The following SMIM17 variants were observed in gnomAD, a reference collection of about 807,000 sequenced individuals.
SMIM17 encodes the protein small integral membrane protein 17.
A neutral mutation model predicts 12.2 loss-of-function variants in SMIM17; 10 were observed. The ratio of observed to expected loss-of-function variants is 0.82; its 90% CI spans 0.50 to 1.39. The LOEUF is 1.39. Ranked by LOEUF, SMIM17 falls within the 40% of genes most tolerant of loss-of-function variation. The probability of loss-of-function intolerance (pLI) is 0.00; values close to 1 mark genes in which losing one functional copy is unlikely to be tolerated. For missense variants in SMIM17, 136 were observed against 118.2 expected, an observed-to-expected ratio of 1.15 and a Z score of -0.70; for synonymous variants, 50 against 44.1, an observed-to-expected ratio of 1.13 and a Z score of -0.53.
At chr19:56,649,401 T>A (rs578187014) in intron 3 of SMIM17, among the ~76,000 whole-genome samples, 2 of 152,268 alleles carry the variant, frequency 1.3e-5, no homozygotes, top group South Asian at 4.1e-4. Flanking sequence ...CCTGCCTTCA[T>A]GGAGCTCACA....
At chr19:56,650,786 A>G (rs893426769) in intron 3 of SMIM17, among the ~76,000 whole-genome samples, 10 of 152,230 alleles carry the variant, frequency 6.6e-5, no homozygotes, top group African/African-American at 2.2e-4. Flanking sequence ...GTGAATTCTG[A>G]TGTGGGGACA....
rs764585220 is a variant in SMIM17 at position 56,655,300 on chromosome 19, AG to A, written c.*89del. 1.3e-4 allele frequency: 79 copies of A among 592,392 alleles called. No individual in the cohort carries two copies. Among genetic ancestry groups the A allele is most frequent in the Non-Finnish European group, 2.3e-4 (75 of 324,036 alleles). The allele number at this position is 592,392 out of a possible 1,614,324, so 36.7% of individuals were successfully genotyped here. A position where few individuals can be genotyped will look rare whatever the true frequency, so the allele number is the denominator to read the frequency against. On this transcript the variant is annotated 3_prime_UTR_variant, in exon 4 of 4. Transcript: ENST00000598409. ...TAAGGAATTGTGCTAGTTAAAAATC[AG>A]GAATAGGTGTTGAATATTTTCAAAT...
rs2148046909 is a variant in SMIM17, at chr19:56,656,419, T to A, written c.*1206T>A. ...TTATTAGATTTGTCAAAGGTTTATC[T>A]AGCTTACTATTGTTTTTCCAAAGAA... On this transcript the variant is annotated 3_prime_UTR_variant, in exon 4 of 4. Transcript: ENST00000598409. Among the ~76,000 whole-genome samples, 1 of 152,338 alleles carries A rather than the reference T, an allele frequency of 6.6e-6. No individual in the cohort carries two copies. Among genetic ancestry groups the A allele is most frequent in the Non-Finnish European group, 1.5e-5 (1 of 68,036 alleles).
At chr19:56,643,773 T>C (rs1303756179) in intron 1 of SMIM17, among the ~76,000 whole-genome samples, 1 of 152,192 alleles carries the variant, frequency 6.6e-6, no homozygotes, top group Non-Finnish European at 1.5e-5. Flanking sequence ...GTCTGTTAAA[T>C]GGAAACCTAA....
intron 3 of SMIM17, among the ~76,000 whole-genome samples, chr19:56,652,671 A>AGAGAG (rs1555778635): frequency 2.0e-5 from 3 of 150,270 alleles, no homozygotes; most frequent in African/African-American, 7.4e-5. Flanking sequence ...AGAAAAAAAA[A>AGAGAG]AGAGAGAGAG....
chr19:56,653,037 TC>T (rs1238723986), intron 3 of SMIM17, among the ~76,000 whole-genome samples: 2 of 152,250 alleles, frequency 1.3e-5, no homozygotes, highest in African/African-American at 4.8e-5. Context: ...ATTCTGCTTT[TC>T]AAAATTGAAG....
In SMIM17 at chr19:56,645,800, G is replaced by A; in HGVS notation, c.133G>A (p.Glu45Lys). Reference sequence around the variant, plus strand: ...CTGCACCAAAGACTGGGAGGCTGTGGAGGTTGGGGCCTCCAGCCATGACAG... The same window carrying A: ...CTGCACCAAAGACTGGGAGGCTGTGAAGGTTGGGGCCTCCAGCCATGACAG... ...PACTKDWEAV[E>K]VGASSHDSDE... The change falls in exon 2 of 4, where the codon GAG becomes AAG. Residue 45 changes from glutamate (E) to lysine (K), a missense_variant. Glu to Lys is a moderately conservative substitution (Grantham distance 56, BLOSUM62 1). Coordinates refer to ENST00000598409, the MANE Select transcript of SMIM17 (RefSeq NM_001193628.2). The A allele has an allele frequency of 6.5e-7, 1 of 1,535,868 alleles. No individual in the cohort carries two copies. Among genetic ancestry groups the A allele is most frequent in the Non-Finnish European group, 8.7e-7 (1 of 1,146,792 alleles).
At chr19:56,648,600 A>G (rs553623210) in intron 3 of SMIM17, among the ~76,000 whole-genome samples, 1 of 152,182 alleles carries the variant, frequency 6.6e-6, no homozygotes, top group African/African-American at 2.4e-5. Context: ...GTATGCATCC[A>G]CCCATATGCC....
In SMIM17 at chr19:56,645,717, G is replaced by A. The variant is rs978920591; in HGVS notation, c.50G>A (p.Arg17Lys). The part of the protein sequence containing the change: ...EQTRGLLEPE[R>K]TKTLLPRESR... Reference sequence around the variant, plus strand: ...ACACGGGGGCTGCTGGAGCCTGAGAGGACCAAGACTCTGCTGCCTCGGGAG... The same window carrying A: ...ACACGGGGGCTGCTGGAGCCTGAGAAGACCAAGACTCTGCTGCCTCGGGAG... The change falls in exon 2 of 4, where the codon AGG (arginine) becomes AAG (lysine). Residue 17 changes from arginine to lysine, a missense_variant. By Grantham distance (26) the Arg-to-Lys change is conservative (BLOSUM62 2). Coordinates refer to ENST00000598409, the MANE Select transcript of SMIM17 (RefSeq NM_001193628.2). 1 of 1,535,598 alleles carries A rather than the reference G, an allele frequency of 6.5e-7. No homozygotes were observed. Among genetic ancestry groups the A allele is most frequent in the Non-Finnish European group, 8.7e-7 (1 of 1,146,818 alleles).
rs1458395646 is a variant in SMIM17, at chr19:56,656,145, C to T, written c.*932C>T. Among the ~76,000 whole-genome samples, 9 of 151,814 alleles carry T rather than the reference C, an allele frequency of 5.9e-5. No individual in the cohort carries two copies. Among genetic ancestry groups the T allele is most frequent in the Admixed American group, 1.3e-4 (2 of 15,242 alleles). On this transcript the variant is annotated 3_prime_UTR_variant, in exon 4 of 4. Transcript: ENST00000598409. ...ATTTTTAGTAGAGACGGGGTTTCAC[C>T]GTGTTAGCCAGGATGGTCTCGATCT...
Position 56,644,235 on chromosome 19 carries a change from T to C in SMIM17, c.-101+1025T>C, listed in dbSNP as rs375081392. Among the ~76,000 whole-genome samples, 25 of 151,714 alleles carry C rather than the reference T, an allele frequency of 1.6e-4. No individual in the cohort carries two copies. In the South Asian group the frequency reaches 5.0e-3, roughly 30 times the overall value. On this transcript the variant is annotated intron_variant, in intron 1 of 3. Coordinates refer to ENST00000598409, the MANE Select transcript of SMIM17 (RefSeq NM_001193628.2). ...AAAGCCAAGCAAAACCCCAAAGCAA[T>C]AAACAAATCAGAACTCCCTAATGGT...
intron 1 of SMIM17, 65 bp from the exon 2 acceptor site, chr19:56,645,503 T>C (rs2148037724): frequency 1.8e-6 from 1 of 565,228 alleles, no homozygotes; most frequent in East Asian, 3.3e-5. Flanking sequence ...TTCTAATGCT[T>C]ACAGTCGTGC....
chr19:56,643,340 A>C (rs2045038143), intron 1 of SMIM17, 130 bp downstream of exon 1: 2 of 152,598 alleles, frequency 1.3e-5, no homozygotes, highest in East Asian at 3.7e-4. Flanking sequence ...GGCGAGGGTG[A>C]GGGGCAGAAC....
chr19:56,655,511 G>A lies in SMIM17; in HGVS notation c.*298G>A, dbSNP rs2045143572. ...GGAAGATATCTCCTGACTTTGAGAA[G>A]ATGAAAAAATGTGCAACTGAAGATC... is the stretch of plus-strand genomic sequence containing the variant. On this transcript the variant is annotated 3_prime_UTR_variant, in exon 4 of 4. Coordinates refer to ENST00000598409, the MANE Select transcript of SMIM17 (RefSeq NM_001193628.2). 1 of 369,094 alleles carries A rather than the reference G, an allele frequency of 2.7e-6. No homozygotes were observed. Among genetic ancestry groups the A allele is most frequent in the Non-Finnish European group, 4.8e-6 (1 of 208,154 alleles). 22.9% of individuals were successfully genotyped at this position (369,094 alleles called of 1,614,324 possible).
At position 56,655,839 on chromosome 19, in the gene SMIM17, A is replaced by C. The variant is rs2045146385; in HGVS notation, c.*626A>C. On this transcript the variant is annotated 3_prime_UTR_variant, in exon 4 of 4. Transcript: ENST00000598409. ...ATTGTTATAACCAGGTCATAGAGTC[A>C]TGGAGAGAACGTTTCAGCTAATTCT... 1 of 152,198 alleles carries C rather than the reference A, an allele frequency of 6.6e-6. No individual in the cohort carries two copies. Among genetic ancestry groups the C allele is most frequent in the Admixed American group, 6.5e-5 (1 of 15,276 alleles). The allele number at this position is 152,198 out of a possible 1,614,324, so 9.4% of individuals were successfully genotyped here. A position where few individuals can be genotyped will look rare whatever the true frequency, so the allele number is the denominator to read the frequency against.
chr19:56,644,553 T>C (rs1477557607), intron 1 of SMIM17, among the ~76,000 whole-genome samples: 2 of 152,242 alleles, frequency 1.3e-5, no homozygotes, highest in African/African-American at 2.4e-5. Context: ...ACCAGTCCCA[T>C]GCGTTTGCTC....
At position 56,648,158 on chromosome 19, in the gene SMIM17, CCATCCATCCATCCATCCATCCATG is replaced by C. The variant is rs1402450666; in HGVS notation, c.246+529_246+552del. Among the ~76,000 whole-genome samples the C allele has an allele frequency of 5.4e-4, 81 of 149,394 alleles. No homozygotes were observed. The Middle Eastern group carries it at 0.021, about 40-fold the overall frequency. On this transcript the variant is annotated intron_variant, in intron 3 of 3. Transcript: ENST00000598409. ...TCCATCCATCCATCCATCCATCCATCCATCCATCCATCCATCCATCCATGCATCAACCCATCCCTATACCTCAGC... is the reference window on the plus strand; with the variant it reads ...TCCATCCATCCATCCATCCATCCATCCATCAACCCATCCCTATACCTCAGC...
rs1328493749 is a variant in SMIM17 at position 56,657,222 on chromosome 19, C to G, written c.*2009C>G. On this transcript the variant is annotated 3_prime_UTR_variant, in exon 4 of 4. Coordinates refer to ENST00000598409, the MANE Select transcript of SMIM17 (RefSeq NM_001193628.2). ...GACAATGGCTGGCAGATAGTAGGCA[C>G]TCAATAAATGTTAATTAAAACCTGA... Among the ~76,000 whole-genome samples, 3 of 152,166 alleles carry G rather than the reference C, an allele frequency of 2.0e-5. No individual in the cohort carries two copies. Among genetic ancestry groups the G allele is most frequent in the Non-Finnish European group, 2.9e-5 (2 of 68,028 alleles).
intron 1 of SMIM17, 35 bp from the exon 2 acceptor site, chr19:56,645,533 T>C: frequency 1.2e-6 from 1 of 816,668 alleles, no homozygotes; most frequent in Non-Finnish European, 1.8e-6. Context: ...GCTGGCCCTC[T>C]GTAATGATTC....
Sources: gnomAD v4.1 joint callset for allele counts (sites outside exome capture counted in the v4.1 genomes callset) on GRCh38, gnomAD v4.1.1 for gene constraint, MANE v1.5 for transcripts, NCBI Gene and HGNC (gene_info 2026-07-23, HGNC 2026-07-21) for gene names.